The following SPESP1 variants were observed in gnomAD, a reference collection of about 807,000 sequenced individuals.
The protein encoded by SPESP1 is sperm equatorial segment protein 1.
Under a neutral mutation model 3.1 loss-of-function variants are expected in SPESP1, and 1 was observed. The ratio of observed to expected loss-of-function variants is 0.33; its 90% CI spans 0.12 to 1.54. The LOEUF is 1.54. Among genes scored for constraint, SPESP1 ranks in the 40% most tolerant of loss-of-function variants. The pLI, the probability that SPESP1 is intolerant of heterozygous loss-of-function variation, is 0.38. For missense variants in SPESP1, 398 were observed against 410.1 expected (o/e 0.97, Z 0.26); for synonymous variants, 138 against 150.7 (o/e 0.92, Z 0.62).
At chr15:68,945,450 A>G (rs1895933987) in intron 1 of SPESP1, 149 bp from the exon 2 acceptor site, 2 of 528,674 alleles carry the variant, frequency 3.8e-6, no homozygotes, top group African/African-American at 4.0e-5. Context: ...GTGAAAGTTG[A>G]CTCTGTGTCA....
In SPESP1 at chr15:68,946,276, C is replaced by A. The variant is rs757343277; in HGVS notation, c.742C>A (p.Pro248Thr). 6 of 1,613,990 alleles carry A rather than the reference C, an allele frequency of 3.7e-6. No homozygotes were observed. Among genetic ancestry groups the A allele is most frequent in the Non-Finnish European group, 5.1e-6 (6 of 1,180,016 alleles). The change falls in exon 2 of 2, where the codon CCA becomes ACA. Residue 248 changes from proline (P) to threonine (T), a missense_variant. Physicochemically the swap from Pro to Thr is conservative, Grantham distance 38 (BLOSUM62 -1). Transcript: ENST00000310673. ...GGCACTTCTTAGTGACACCAGCAAC[C>A]CAGCATATAGAGAAGATATTGAAGC... ...QQALLSDTSN[P>T]AYREDIEASK...
intron 1 of SPESP1, among the ~76,000 whole-genome samples, chr15:68,933,041 G>A (rs1354922165): frequency 6.6e-6 from 1 of 152,152 alleles, no homozygotes. Flanking sequence ...AATCAGCTAT[G>A]CATTCTTTTA....
chr15:68,944,501 A>T (rs1204371659), intron 1 of SPESP1, among the ~76,000 whole-genome samples: 1 of 152,034 alleles, frequency 6.6e-6, no homozygotes, highest in Non-Finnish European at 1.5e-5. Flanking sequence ...TCCTGACTAG[A>T]CTTTAGTCAA....
At position 68,946,622 on chromosome 15, in the gene SPESP1, T is replaced by C; in HGVS notation, c.*35T>C. 7.1e-7 allele frequency: 1 copy of C among 1,400,274 alleles called. No individual in the cohort carries two copies. Among genetic ancestry groups the C allele is most frequent in the South Asian group, 1.9e-5 (1 of 51,592 alleles). 86.7% of individuals were successfully genotyped at this position (1,400,274 alleles called of 1,614,324 possible). On this transcript the variant is annotated 3_prime_UTR_variant, in exon 2 of 2. Coordinates refer to ENST00000310673, the MANE Select transcript of SPESP1 (RefSeq NM_145658.4). ...TAAAAATTTTAAACCTACTTGATAT[T>C]CCATAACAAAGCTGATTTAAGCAAA...
At chr15:68,930,773 G>A (rs1046626261) in intron 1 of SPESP1, 56 bp downstream of exon 1, 10 of 1,611,382 alleles carry the variant, frequency 6.2e-6, no homozygotes, top group Admixed American at 3.3e-5. Context: ...GGAACTTCCC[G>A]AGCTCCGCGA....
In SPESP1 at chr15:68,937,619, C is replaced by T. The variant is rs571533913; in HGVS notation, c.64+6902C>T. Among the ~76,000 whole-genome samples the T allele has an allele frequency of 2.0e-3, 306 of 152,226 alleles. 1 individual carries two copies. The highest frequency in any genetic ancestry group is 2.6e-3 in the Non-Finnish European group (175 of 68,002). ...ATCCTTTAAGTTCCCTCCCCTCACC[C>T]CCCACCCACCAACAGGCGGTGGTGT... On this transcript the variant is annotated intron_variant, in intron 1 of 1. Transcript: ENST00000310673.
At position 68,930,583 on chromosome 15, in the gene SPESP1, G is replaced by C. The variant is rs1895502569; in HGVS notation, c.-71G>C. The C allele has an allele frequency of 3.7e-6, 6 of 1,600,096 alleles. No individual in the cohort carries two copies. In the South Asian group the frequency reaches 6.6e-5, roughly 18 times the overall value. On this transcript the variant is annotated 5_prime_UTR_variant, in exon 1 of 2. Coordinates refer to ENST00000310673, the MANE Select transcript of SPESP1 (RefSeq NM_145658.4). ...GTACTCCGCTGACACCTTCCCTTTC[G>C]GCCTTGAGGTTCCCAGCCTGGTGGC...
Position 68,946,388 on chromosome 15 carries a change from C to T in SPESP1, c.854C>T (p.Pro285Leu). The T allele has an allele frequency of 6.2e-7, 1 of 1,614,086 alleles. No individual in the cohort carries two copies. The highest frequency in any genetic ancestry group is 1.6e-4 in the Middle Eastern group (1 of 6,062). The change falls in exon 2 of 2, where the codon CCA (proline) becomes CTA (leucine). Residue 285 changes from proline (P) to leucine (L), a missense_variant. Physicochemically the swap from Pro to Leu is moderately conservative, Grantham distance 98. Transcript: ENST00000310673. ...ACAATGTATAAGTCCCAGTTATTGCCAGTAGGACGAACAAGTAATAAAATT... is the reference window on the plus strand; with the variant it reads ...ACAATGTATAAGTCCCAGTTATTGCTAGTAGGACGAACAAGTAATAAAATT... ...LKTMYKSQLL[P>L]VGRTSNKIDD...
intron 1 of SPESP1, among the ~76,000 whole-genome samples, chr15:68,932,479 C>T (rs948773581): frequency 1.3e-5 from 2 of 151,950 alleles, no homozygotes; most frequent in African/African-American, 4.8e-5. Context: ...CAACCTCTGC[C>T]TCCCAGGCTC....
intron 1 of SPESP1, among the ~76,000 whole-genome samples, chr15:68,931,717 G>A (rs1015940113): frequency 2.6e-5 from 4 of 152,166 alleles, no homozygotes; most frequent in Admixed American, 6.5e-5. Flanking sequence ...ATTCAGGGGT[G>A]CTAAGACTTT....
At chr15:68,938,259 A>G (rs547905208) in intron 1 of SPESP1, among the ~76,000 whole-genome samples, 105 of 152,188 alleles carry the variant, frequency 6.9e-4, no homozygotes, top group Non-Finnish European at 1.4e-3. Flanking sequence ...TGGGCCACCA[A>G]GCGCAGCCTG....
At chr15:68,934,536 A>G (rs1031243780) in intron 1 of SPESP1, among the ~76,000 whole-genome samples, 9 of 152,200 alleles carry the variant, frequency 5.9e-5, no homozygotes, top group African/African-American at 1.2e-4. Context: ...GGAGCATGTC[A>G]TCCAATAGGC....
At chr15:68,943,169 C>A (rs1331881252) in intron 1 of SPESP1, among the ~76,000 whole-genome samples, 1 of 151,808 alleles carries the variant, frequency 6.6e-6, no homozygotes, top group Non-Finnish European at 1.5e-5. Context: ...CAAATTGAGT[C>A]CCACTGCCTC....
rs529605448 is a variant in SPESP1 at position 68,945,962 on chromosome 15, AAGAGCC to A, written c.441_446del (p.Glu150_Pro151del). 766 of 1,614,138 alleles carry A rather than the reference AAGAGCC, an allele frequency of 4.7e-4. 6 individuals are homozygous for A. In the African/African-American group the frequency reaches 8.8e-3, roughly 19 times the overall value. On this transcript the variant is annotated inframe_deletion, in exon 2 of 2. Transcript: ENST00000310673. ...GCAGAGGAACCTTATATTGAAAATG[AAGAGCC>A]AGAGCCAGAGCCGGAGCCAGCTGCA... is the stretch of plus-strand genomic sequence containing the variant.
intron 1 of SPESP1, among the ~76,000 whole-genome samples, chr15:68,943,357 A>T (rs1016790167): frequency 5.3e-5 from 8 of 152,124 alleles, no homozygotes; most frequent in African/African-American, 1.9e-4. Context: ...CATCATATGG[A>T]TCTTAGGAGT....
chr15:68,935,164 T>C (rs936771352), intron 1 of SPESP1, among the ~76,000 whole-genome samples: 1 of 152,226 alleles, frequency 6.6e-6, no homozygotes, highest in African/African-American at 2.4e-5. Context: ...AATGAGTTTA[T>C]TTTGGTTTCA....
At position 68,930,697 on chromosome 15, in the gene SPESP1, C is replaced by A; in HGVS notation, c.44C>A (p.Ser15Ter). 2 of 1,614,014 alleles carry A rather than the reference C, an allele frequency of 1.2e-6. No homozygotes were observed. Among genetic ancestry groups the A allele is most frequent in the Non-Finnish European group, 1.7e-6 (2 of 1,179,896 alleles). ...CTAGTTGCGCTTTTGCTATGGCCTT[C>A]GTCTGTGCCGGCTTATCCGAGTGAG... is the stretch of plus-strand genomic sequence containing the variant. The part of the protein sequence containing the change: ...VLLVALLLWP[S>*]SVPAYPSITV... The change falls in exon 1 of 2, where the codon TCG (serine) becomes TAG (stop). Residue 15 changes from serine (S) to a stop codon, truncating the protein, a stop_gained. Transcript: ENST00000310673. LOFTEE classifies it low-confidence loss of function (END_TRUNC).
intron 1 of SPESP1, among the ~76,000 whole-genome samples, chr15:68,936,625 G>A (rs1002701707): frequency 6.6e-6 from 1 of 152,034 alleles, no homozygotes; most frequent in Non-Finnish European, 1.5e-5. Context: ...AGATTGTGGT[G>A]GTGATTGCAC....
intron 1 of SPESP1, among the ~76,000 whole-genome samples, chr15:68,940,154 T>C (rs904773994): frequency 1.3e-5 from 2 of 152,126 alleles, no homozygotes; most frequent in Non-Finnish European, 1.5e-5. Context: ...GGGGAACAGG[T>C]GGTTTTTGGT....
Sources: allele counts gnomAD v4.1 joint callset (sites outside exome capture counted in the v4.1 genomes callset), GRCh38; gene constraint gnomAD v4.1.1; transcripts MANE v1.5; gene names NCBI Gene and HGNC (gene_info 2026-07-23, HGNC 2026-07-21).